The following VPS13C variants were observed in gnomAD, a reference collection of about 807,000 sequenced individuals.
VPS13C encodes intermembrane lipid transfer protein VPS13C.
In VPS13C, 358 loss-of-function variants were observed where a neutral mutation model predicts 456.8. The ratio of observed to expected loss-of-function variants is 0.78; its 90% CI spans 0.72 to 0.86. The LOEUF (loss-of-function observed/expected upper bound fraction) is 0.86, where lower values mean the gene tolerates loss of function less well. Among genes scored for constraint, VPS13C ranks in the 40% least tolerant of loss-of-function variants. The pLI is 0.00. For synonymous variants in VPS13C, 1,578 were observed against 1,486.7 expected (o/e 1.06, Z -1.41); for missense variants, 4,818 against 4,385.4 (o/e 1.10, Z -2.79).
At chr15:62,037,241 T>TA (rs1397793937) in intron 3 of VPS13C, among the ~76,000 whole-genome samples, 1 of 27,944 alleles carries the variant, frequency 3.6e-5, no homozygotes, top group South Asian at 6.4e-4. Context: ...TATATAAATA[T>TA]ATATAATATA....
chr15:61,913,277 G>A (rs1232573344), intron 62 of VPS13C, 34 bp downstream of exon 62: 14 of 1,578,690 alleles, frequency 8.9e-6, no homozygotes, highest in Admixed American at 1.7e-5. Context: ...AAAGGTGAAC[G>A]GAATCAAAGG....
chr15:61,989,543 A>C (rs1055948858), intron 18 of VPS13C, among the ~76,000 whole-genome samples: 13 of 152,190 alleles, frequency 8.5e-5, no homozygotes, highest in African/African-American at 2.9e-4. Flanking sequence ...AGAATATATA[A>C]AGAATTCCTA....
intron 81 of VPS13C, chr15:61,865,572 ATATATGTGTG>A (rs1894488519): frequency 7.6e-6 from 6 of 792,176 alleles, no homozygotes; most frequent in Middle Eastern, 6.6e-4. Flanking sequence ...ATGTTTGCGT[ATATATGTGTG>A]TATATGTGTG....
chr15:62,032,754 G>A (rs913830324), intron 5 of VPS13C, among the ~76,000 whole-genome samples: 8 of 151,520 alleles, frequency 5.3e-5, no homozygotes, highest in African/African-American at 1.9e-4. Context: ...TATATAAAAT[G>A]CTAATAACTC....
intron 66 of VPS13C, among the ~76,000 whole-genome samples, chr15:61,904,322 AT>A (rs1412795463): frequency 2.6e-5 from 4 of 151,288 alleles, no homozygotes; most frequent in Non-Finnish European, 5.9e-5. Context: ...AAAAAATGTG[AT>A]TTAAAAACGG....
chr15:61,873,387 A>G lies in VPS13C; in HGVS notation c.10437T>C (p.Ser3479=), dbSNP rs762291128. Reference sequence around the variant, plus strand: ...CTTTCCCAACAGAACCGGTGATTCGAGATACAACTCCTGCTGCACCACCTA... The same window carrying G: ...CTTTCCCAACAGAACCGGTGATTCGGGATACAACTCCTGCTGCACCACCTA... ...HTVGGAAGVV[S]RITGSVGKGL... The change falls in exon 78 of 85, where the codon TCT becomes TCC. Residue 3479 remains serine (S), a synonymous_variant. Coordinates refer to ENST00000644861, the MANE Select transcript of VPS13C (RefSeq NM_020821.3). 2 of 1,613,640 alleles carry G rather than the reference A, an allele frequency of 1.2e-6. No homozygotes were observed. The highest frequency in any genetic ancestry group is 1.1e-5 in the South Asian group (1 of 91,060).
rs1412507328 is a variant in VPS13C at position 61,874,430 on chromosome 15, ATCACT to A, written c.10414+441_10414+445del. ...ACATATTGTATACATTTATCAAAAT[ATCACT>A]CTATACCCCATAAATATATACAATC... On this transcript the variant is annotated intron_variant, in intron 77 of 84. Coordinates refer to ENST00000644861, the MANE Select transcript of VPS13C (RefSeq NM_020821.3). 2.6e-5 allele frequency among the ~76,000 whole-genome samples: 4 copies of A among 152,062 alleles called. No individual in the cohort carries two copies. In the East Asian group the frequency reaches 7.7e-4, roughly 29 times the overall value.
At chr15:62,022,512 T>A (rs534478281) in intron 8 of VPS13C, among the ~76,000 whole-genome samples, 1 of 152,008 alleles carries the variant, frequency 6.6e-6, no homozygotes, top group South Asian at 2.1e-4. Context: ...TGAGTGAGGT[T>A]TTTTTAAGAC....
chr15:62,039,008 T>C (rs1596519024), intron 3 of VPS13C, among the ~76,000 whole-genome samples: 1 of 152,300 alleles, frequency 6.6e-6, no homozygotes, highest in East Asian at 1.9e-4. Flanking sequence ...GGTGAAAATG[T>C]AGACTGGTTT....
intron 1 of VPS13C, among the ~76,000 whole-genome samples, chr15:62,058,530 T>C (rs1428848379): frequency 6.6e-6 from 1 of 152,198 alleles, no homozygotes; most frequent in African/African-American, 2.4e-5. Context: ...ACTATTTACA[T>C]AGCACTTACT....
chr15:62,000,295 G>A (rs982417252), intron 16 of VPS13C, among the ~76,000 whole-genome samples: 1 of 152,106 alleles, frequency 6.6e-6, no homozygotes, highest in African/African-American at 2.4e-5. Flanking sequence ...CACCCGGGAG[G>A]CAGAGGCTGC....
At chr15:61,919,576 T>C in intron 57 of VPS13C, 127 bp from the exon 58 acceptor site, 2 of 1,036,776 alleles carry the variant, frequency 1.9e-6, no homozygotes, top group Non-Finnish European at 2.5e-6. Context: ...CACCACAAAT[T>C]GCTTTTCTAA....
At chr15:61,950,717 T>C (rs1239108433) in intron 40 of VPS13C, among the ~76,000 whole-genome samples, 1 of 152,022 alleles carries the variant, frequency 6.6e-6, no homozygotes, top group Non-Finnish European at 1.5e-5. Flanking sequence ...TAACACACTT[T>C]GCTTTGGATT....
chr15:61,875,074 A>G, intron 76 of VPS13C, 123 bp from the exon 77 acceptor site: 1 of 804,980 alleles, frequency 1.2e-6, no homozygotes, highest in Non-Finnish European at 1.8e-6. Flanking sequence ...ATTGTGATGA[A>G]TCAATTTTCA....
At chr15:62,044,003 C>T (rs1423063672) in intron 2 of VPS13C, among the ~76,000 whole-genome samples, 1 of 152,080 alleles carries the variant, frequency 6.6e-6, no homozygotes, top group Admixed American at 6.6e-5. Flanking sequence ...AAAAACACTC[C>T]GTTTCCAAGA....
intron 18 of VPS13C, among the ~76,000 whole-genome samples, chr15:61,987,431 C>A (rs1009325949): frequency 1.3e-5 from 2 of 152,176 alleles, no homozygotes; most frequent in African/African-American, 4.8e-5. Context: ...ACACTTCTTA[C>A]ATAGCAGGCA....
chr15:61,854,421 G>T lies in VPS13C; in HGVS notation c.*36C>A. 1 of 1,567,152 alleles carries T rather than the reference G, an allele frequency of 6.4e-7. No homozygotes were observed. Among genetic ancestry groups the T allele is most frequent in the Non-Finnish European group, 8.8e-7 (1 of 1,137,242 alleles). Reference sequence around the variant, plus strand: ...TGACTTATAGACAAGACCAGTGATTGTTTTTTCTCCCTGTTGGAGCCCCTG... The same window carrying T: ...TGACTTATAGACAAGACCAGTGATTTTTTTTTCTCCCTGTTGGAGCCCCTG... On this transcript the variant is annotated 3_prime_UTR_variant, in exon 85 of 85. Transcript: ENST00000644861.
In VPS13C at chr15:61,865,576, A is replaced by ATG. The variant is rs951560767; in HGVS notation, c.10864-2050_10864-2049dup. 8.6e-6 allele frequency: 6 copies of ATG among 698,474 alleles called. No homozygotes were observed. In the African/African-American group the frequency reaches 9.8e-5, roughly 11 times the overall value. The allele number at this position is 698,474 out of a possible 1,614,324, so 43.3% of individuals were successfully genotyped here. The stretch of plus-strand genomic sequence containing the variant: ...TAAATATGTGTATGTTTGCGTATAT[A>ATG]TGTGTGTATATGTGTGTGTATATAT... On this transcript the variant is annotated intron_variant, in intron 81 of 84. Transcript: ENST00000644861.
At chr15:61,989,483 C>A (rs1401525713) in intron 18 of VPS13C, among the ~76,000 whole-genome samples, 1 of 151,926 alleles carries the variant, frequency 6.6e-6, no homozygotes, top group African/African-American at 2.4e-5. Context: ...AAAGCCAACC[C>A]ACGTTTTTGG....
Sources: gnomAD v4.1 joint callset for allele counts (sites outside exome capture counted in the v4.1 genomes callset) on GRCh38, gnomAD v4.1.1 for gene constraint, MANE v1.5 for transcripts, NCBI Gene and HGNC (gene_info 2026-07-23, HGNC 2026-07-21) for gene names.